Variants in TSPOAP1 observed in about 807,000 individuals in gnomAD.
TSPOAP1 encodes the protein TSPO associated protein 1.
Under a neutral mutation model 197.0 loss-of-function variants are expected in TSPOAP1, and 87 were observed. The ratio of observed to expected loss-of-function variants is 0.44; its 90% CI spans 0.37 to 0.53. The LOEUF is 0.53. Among genes scored for constraint, TSPOAP1 ranks in the 20% least tolerant of loss-of-function variants. The probability of loss-of-function intolerance (pLI) is 0.00; values close to 1 mark genes in which losing one functional copy is unlikely to be tolerated. For missense variants in TSPOAP1, 2,174 were observed against 2,411.3 expected (o/e 0.90, Z 2.06); for synonymous variants, 913 against 998.9 (o/e 0.91, Z 1.62).
chr17:58,320,627 G>A, intron 10 of TSPOAP1, 46 bp from the exon 11 acceptor site: 1 of 1,376,766 alleles, frequency 7.3e-7, no homozygotes, highest in East Asian at 2.8e-5. Context: ...GAGAAGGAAT[G>A]GGGTGGAGTA....
intron 16 of TSPOAP1, 91 bp downstream of exon 16, chr17:58,315,932 A>ATGGATGG: frequency 1.6e-6 from 1 of 608,398 alleles, no homozygotes; most frequent in East Asian, 2.7e-5. Context: ...TGGATGGATG[A>ATGGATGG]ATGGATGGAT....
In TSPOAP1 at chr17:58,326,247, T is replaced by G. The variant is rs372601700; in HGVS notation, c.570+46A>C. On this transcript the variant is annotated intron_variant, in intron 3 of 31. Transcript: ENST00000343736. This position sits in a 1 kb window ranked among gnomAD's most constrained non-coding sequence, Gnocchi z 4.7. ...CCCTCAGGCCCAGCCCTGGCTCCCCTCTTCCTTGGTCACCCAGCCTCCGCC... is the reference window on the plus strand; with the variant it reads ...CCCTCAGGCCCAGCCCTGGCTCCCCGCTTCCTTGGTCACCCAGCCTCCGCC... 76 of 1,608,762 alleles carry G rather than the reference T, an allele frequency of 4.7e-5. 1 individual carries two copies. Among genetic ancestry groups the G allele is most frequent in the Non-Finnish European group, 4.4e-5 (52 of 1,177,402 alleles).
rs1490443982 is a variant in TSPOAP1 at position 58,324,184 on chromosome 17, A to T, written c.942+627T>A. ...CCACCCGGAGGTCTTGGTCACTATC[A>T]GATCACTGCCTGGTCTCTCCTCCCA... On this transcript the variant is annotated intron_variant, in intron 5 of 31. Transcript: ENST00000343736. The surrounding 1 kb of genome is among the most constrained non-coding windows in gnomAD (Gnocchi z 5.8). Among the ~76,000 whole-genome samples the T allele has an allele frequency of 2.6e-5, 4 of 152,184 alleles. No homozygotes were observed. Among genetic ancestry groups the T allele is most frequent in the African/African-American group, 9.7e-5 (4 of 41,450 alleles).
Position 58,322,257 on chromosome 17 carries a change from T to C in TSPOAP1, c.1422+51A>G. The C allele has an allele frequency of 6.4e-7, 1 of 1,551,060 alleles. No individual in the cohort carries two copies. The highest frequency in any genetic ancestry group is 8.8e-7 in the Non-Finnish European group (1 of 1,138,040). ...AGTAAATGCTTGTGGAATGAGTGAG[T>C]GGCAAAGCTGGTGTCCAGCAGCCTG... On this transcript the variant is annotated intron_variant, in intron 10 of 31. Coordinates refer to ENST00000343736, the MANE Select transcript of TSPOAP1 (RefSeq NM_004758.4). The surrounding 1 kb of genome is among the most constrained non-coding windows in gnomAD (Gnocchi z 5.0).
chr17:58,309,135 C>A lies in TSPOAP1; in HGVS notation c.4137G>T (p.Gln1379His), dbSNP rs1413205575. The change falls in exon 22 of 32, where the codon CAG (glutamine) becomes CAT (histidine). Residue 1379 changes from glutamine (Q) to histidine (H), a missense_variant. By Grantham distance (24) the Gln-to-His change is conservative (BLOSUM62 0). Transcript: ENST00000343736. The surrounding 1 kb of genome is among the most constrained non-coding windows in gnomAD (Gnocchi z 5.0). ...TGGAGGACTCAGGAGACAAGGGACACTGGCCAGGTCTTCGGGGCTGACCAC... is the reference window on the plus strand; with the variant it reads ...TGGAGGACTCAGGAGACAAGGGACAATGGCCAGGTCTTCGGGGCTGACCAC... Reference protein sequence around the residue: ...CDSGQPRRPGQCPLSPESSRA... With the variant: ...CDSGQPRRPGHCPLSPESSRA... The A allele has an allele frequency of 6.2e-7, 1 of 1,613,930 alleles. No individual in the cohort carries two copies. Among genetic ancestry groups the A allele is most frequent in the East Asian group, 2.2e-5 (1 of 44,878 alleles).
chr17:58,303,110 T>C (rs6503858), intron 31 of TSPOAP1: 148,981 of 152,582 alleles, frequency 0.98, 72,762 homozygotes, highest in East Asian at 1. Context: ...AGCATCTTTT[T>C]CCTTACTGAA....
In TSPOAP1 at chr17:58,327,900, G is replaced by A. The variant is rs1215883146; in HGVS notation, c.21C>T (p.Leu7=). The part of the protein sequence containing the change: MEQLTT[L]PRPGDPGAME... ...TGGCTCCAGGGTCCCCAGGCCGTGGGAGGGTTGTCAGTTGCTCCATGGTAC... is the reference window on the plus strand; with the variant it reads ...TGGCTCCAGGGTCCCCAGGCCGTGGAAGGGTTGTCAGTTGCTCCATGGTAC... Residue 7 remains leucine, a synonymous_variant, in exon 1 of 32, where the codon CTC becomes CTT. Transcript: ENST00000343736. The A allele has an allele frequency of 6.2e-7, 1 of 1,602,340 alleles. No homozygotes were observed. Among genetic ancestry groups the A allele is most frequent in the Non-Finnish European group, 8.5e-7 (1 of 1,171,504 alleles).
At chr17:58,306,496 G>C in intron 25 of TSPOAP1, 83 bp from the exon 26 acceptor site, 1 of 1,286,468 alleles carries the variant, frequency 7.8e-7, no homozygotes, top group Non-Finnish European at 1.1e-6. Context: ...TCTCAGGGCC[G>C]TGCTAGGTTA....
rs546909685 is a variant in TSPOAP1 at position 58,306,627 on chromosome 17, C to T, written c.5152+173G>A. The T allele has an allele frequency of 2.3e-5, 22 of 956,566 alleles. No homozygotes were observed. In the East Asian group the frequency reaches 2.6e-4, roughly 11 times the overall value. 59.3% of individuals were successfully genotyped at this position (956,566 alleles called of 1,614,324 possible). A position where few individuals can be genotyped will look rare whatever the true frequency, so the allele number is the denominator to read the frequency against. On this transcript the variant is annotated intron_variant, in intron 25 of 31. Transcript: ENST00000343736. ...CCCTCTGCAACAGACGCCCACTCCA[C>T]GCGGCCAGCCCACGTACAGTCTGAC...
Position 58,311,582 on chromosome 17 carries a change from C to A in TSPOAP1, c.3070G>T (p.Asp1024Tyr), listed in dbSNP as rs375923349. Residue 1024 changes from aspartate (D) to tyrosine (Y), a missense_variant, in exon 18 of 32, where the codon GAT becomes TAT. By Grantham distance (160) the Asp-to-Tyr change is radical. Coordinates refer to ENST00000343736, the MANE Select transcript of TSPOAP1 (RefSeq NM_004758.4). ...GGGCAGGGCTATACCTTCTGCCCATCAGCGTAGATGGCATAGCCTGTGACC... is the reference window on the plus strand; with the variant it reads ...GGGCAGGGCTATACCTTCTGCCCATAAGCGTAGATGGCATAGCCTGTGACC... ...VRVTGYAIYADGQKIMEVASP... is the reference protein window; with the variant it reads ...VRVTGYAIYAYGQKIMEVASP... 43 of 1,581,640 alleles carry A rather than the reference C, an allele frequency of 2.7e-5. No homozygotes were observed. Among genetic ancestry groups the A allele is most frequent in the Non-Finnish European group, 2.8e-5 (33 of 1,160,180 alleles).
Position 58,304,346 on chromosome 17 carries a change from C to G in TSPOAP1, c.*24G>C, listed in dbSNP as rs375815067. ...GGCAGTCCCCCACTTACATGTTGCT[C>G]TCTCTACATATATCTATCTCCATCT... On this transcript the variant is annotated 3_prime_UTR_variant, in exon 31 of 32. Transcript: ENST00000343736. This position sits in a 1 kb window ranked among gnomAD's most constrained non-coding sequence, Gnocchi z 4.2. 1 of 1,613,494 alleles carries G rather than the reference C, an allele frequency of 6.2e-7. No individual in the cohort carries two copies. The highest frequency in any genetic ancestry group is 1.7e-5 in the Admixed American group (1 of 60,012).
At position 58,307,905 on chromosome 17, in the gene TSPOAP1, A is replaced by G. The variant is rs1281041441; in HGVS notation, c.4768T>C (p.Ser1590Pro). The change falls in exon 23 of 32, where the codon TCT becomes CCT. Residue 1590 changes from serine to proline, a missense_variant. Around this residue, in one of 5 missense-constraint regions of TSPOAP1, gnomAD observed 1,933 missense variants for 2,139.0 expected, o/e 0.90. Transcript: ENST00000343736. The part of the protein sequence containing the change: ...ETGEARGQDG[S>P]GRRGPQKRGV... ...CTCTTCTGGGGGCCCCTCCGCCCAG[A>G]GCCGTCCTGCCCTCTGGCCTCTCCG... 1 of 1,613,364 alleles carries G rather than the reference A, an allele frequency of 6.2e-7. No individual in the cohort carries two copies.
chr17:58,305,507 G>T (rs756027282), intron 28 of TSPOAP1, 33 bp downstream of exon 28: 3 of 1,610,630 alleles, frequency 1.9e-6, no homozygotes, highest in Non-Finnish European at 2.5e-6. Flanking sequence ...CTCTGCCACC[G>T]CCCTTTGCTG....
chr17:58,311,519 T>C (rs1971077204), intron 18 of TSPOAP1, 52 bp downstream of exon 18: 12 of 1,518,464 alleles, frequency 7.9e-6, no homozygotes, highest in South Asian at 5.3e-5. Context: ...CCTCTGAGCA[T>C]AGCAAGAAGG....
At chr17:58,314,660 A>G (rs1376309922) in intron 16 of TSPOAP1, among the ~76,000 whole-genome samples, 1 of 152,252 alleles carries the variant, frequency 6.6e-6, no homozygotes, top group Non-Finnish European at 1.5e-5. Context: ...GAGGCCAGTG[A>G]GAGAATAAAT....
Position 58,326,306 on chromosome 17 carries a change from G to A in TSPOAP1, c.557C>T (p.Thr186Met), listed in dbSNP as rs980725499. 1 of 1,613,974 alleles carries A rather than the reference G, an allele frequency of 6.2e-7. No homozygotes were observed. Among genetic ancestry groups the A allele is most frequent in the South Asian group, 1.1e-5 (1 of 91,084 alleles). ...TCCTTTCCTCACCACCCTCAGGTTC[G>A]TTTCCTGCAGCTTTCGGGCCCTCTC... ...LEERARKLQE[T>M]NLRVVSAPLP... Residue 186 changes from threonine (T) to methionine (M), a missense_variant, in exon 3 of 32, where the codon ACG becomes ATG. Thr to Met is a moderately conservative substitution (Grantham distance 81). This residue lies in a region of TSPOAP1 where 1,933 missense variants were observed against 2,139.0 expected (regional missense o/e 0.90). Coordinates refer to ENST00000343736, the MANE Select transcript of TSPOAP1 (RefSeq NM_004758.4). This position sits in a 1 kb window ranked among gnomAD's most constrained non-coding sequence, Gnocchi z 4.7.
chr17:58,306,586 C>T, intron 25 of TSPOAP1, 173 bp from the exon 26 acceptor site: 3 of 895,518 alleles, frequency 3.4e-6, no homozygotes, highest in Non-Finnish European at 5.1e-6. Flanking sequence ...AAATTCCTGG[C>T]TGCATGGCTG....
Position 58,308,778 on chromosome 17 carries a change from G to A in TSPOAP1, c.4494C>T (p.Ser1498=). ...SCLSPKCLEI[S]IEYDSEDEQE... is the part of the protein sequence containing the mutation. The stretch of plus-strand genomic sequence containing the variant: ...GCTCATCCTCCGAATCATATTCAAT[G>A]CTGATTTCCAAGCACTTGGGGGAAA... The change falls in exon 22 of 32, where the codon AGC becomes AGT. Residue 1498 remains serine (S), a synonymous_variant. Coordinates refer to ENST00000343736, the MANE Select transcript of TSPOAP1 (RefSeq NM_004758.4). The A allele has an allele frequency of 6.2e-7, 1 of 1,613,046 alleles. No individual in the cohort carries two copies. The highest frequency in any genetic ancestry group is 1.7e-5 in the Admixed American group (1 of 60,024).
chr17:58,315,932 A>AATGG (rs146827199), intron 16 of TSPOAP1, 91 bp downstream of exon 16: 76 of 608,932 alleles, frequency 1.2e-4, no homozygotes, highest in Admixed American at 6.5e-4. Context: ...TGGATGGATG[A>AATGG]ATGGATGGAT....
Sources: gnomAD v4.1 joint callset for allele counts (sites outside exome capture counted in the v4.1 genomes callset) on GRCh38, gnomAD v4.1.1 for gene constraint, gnomAD v4.1.1 regional missense constraint, Gnocchi (gnomAD v3.1) non-coding constraint, MANE v1.5 for transcripts, NCBI Gene and HGNC (gene_info 2026-07-23, HGNC 2026-07-21) for gene names.